The following AOAH variants were observed in gnomAD, a reference collection of about 807,000 sequenced individuals.
AOAH encodes the protein acyloxyacyl hydrolase, also known as acyloxyacyl hydrolase (neutrophil).
AOAH carries 64 observed loss-of-function variants against 92.2 expected under a neutral mutation model. The ratio of observed to expected loss-of-function variants is 0.69; its 90% CI spans 0.57 to 0.86. The LOEUF (loss-of-function observed/expected upper bound fraction) is 0.86. Among genes scored for constraint, AOAH ranks in the 40% least tolerant of loss-of-function variants. The probability of loss-of-function intolerance (pLI) is 0.00; values close to 1 mark genes in which losing one functional copy is unlikely to be tolerated. For synonymous variants in AOAH, 263 were observed against 254.5 expected (o/e 1.03, Z -0.32); for missense variants, 656 against 694.6 (o/e 0.94, Z 0.62).
chr7:36,517,156 G>GTCTGTCTTTCTTTCTTTCTT (rs1554360834), intron 20 of AOAH, among the ~76,000 whole-genome samples: 79 of 95,500 alleles, frequency 8.3e-4, no homozygotes, highest in Non-Finnish European at 1.1e-3. Flanking sequence ...ATCCATGTTA[G>GTCTGTCTTTCTTTCTTTCTT]TCTTTCTTTC....
chr7:36,641,379 TC>T (rs1772113670), intron 4 of AOAH, among the ~76,000 whole-genome samples: 1 of 152,122 alleles, frequency 6.6e-6, no homozygotes, highest in South Asian at 2.1e-4. Context: ...GAAGTCTTGT[TC>T]CCCCAATGAC....
At chr7:36,652,634 C>G (rs755464862) in intron 4 of AOAH, among the ~76,000 whole-genome samples, 12 of 152,234 alleles carry the variant, frequency 7.9e-5, no homozygotes, top group Non-Finnish European at 1.5e-4. Context: ...CATGTGGCAT[C>G]ATTTAACCCT....
chr7:36,654,590 C>G (rs1466738109), intron 4 of AOAH, among the ~76,000 whole-genome samples: 4 of 152,124 alleles, frequency 2.6e-5, no homozygotes, highest in Non-Finnish European at 5.9e-5. Context: ...GCTATGAGCT[C>G]CCTGCTACAG....
chr7:36,635,716 TAGAA>T (rs144945721), intron 5 of AOAH, among the ~76,000 whole-genome samples: 4,353 of 152,200 alleles, frequency 0.029, 207 homozygotes, highest in African/African-American at 0.1. Context: ...ACTGGCCTAG[TAGAA>T]AGGGTACTGA....
intron 19 of AOAH, among the ~76,000 whole-genome samples, chr7:36,525,352 A>G (rs1466559306): frequency 1.3e-5 from 2 of 152,262 alleles, no homozygotes; most frequent in Non-Finnish European, 2.9e-5. Flanking sequence ...AAGAATGTTT[A>G]CTAGGAGCCT....
chr7:36,633,514 G>C (rs1793290357), intron 5 of AOAH, among the ~76,000 whole-genome samples: 3 of 152,212 alleles, frequency 2.0e-5, no homozygotes. Flanking sequence ...CCGGAAGAGG[G>C]AGTGCCCGAG....
chr7:36,534,137 T>C (rs937664089), intron 16 of AOAH, among the ~76,000 whole-genome samples: 2 of 152,166 alleles, frequency 1.3e-5, no homozygotes, highest in Non-Finnish European at 2.9e-5. Context: ...GAGTTTGTCC[T>C]GCTCCTGTGA....
chr7:36,611,936 T>C (rs1039106433), intron 11 of AOAH, among the ~76,000 whole-genome samples: 3 of 152,236 alleles, frequency 2.0e-5, no homozygotes, highest in Non-Finnish European at 4.4e-5. Context: ...CCACCACCTG[T>C]TAGTTGTATG....
intron 1 of AOAH, among the ~76,000 whole-genome samples, chr7:36,721,336 A>C (rs1799619714): frequency 6.6e-6 from 1 of 152,156 alleles, no homozygotes; most frequent in Non-Finnish European, 1.5e-5. Flanking sequence ...TGGCTGCAGC[A>C]CAGCCCGGCT....
chr7:36,581,914 CTT>C, intron 12 of AOAH, among the ~76,000 whole-genome samples: 1 of 152,250 alleles, frequency 6.6e-6, no homozygotes, highest in South Asian at 2.1e-4. Context: ...TATAATCTCT[CTT>C]ATATATTTTA....
At chr7:36,515,581 CCA>C (rs1483013689) in intron 20 of AOAH, among the ~76,000 whole-genome samples, 61 of 128,116 alleles carry the variant, frequency 4.8e-4, no homozygotes, top group Non-Finnish European at 8.4e-4. Context: ...CCCCCACACA[CCA>C]CACACATACC....
At chr7:36,623,984 A>T (rs1792462816) in intron 6 of AOAH, among the ~76,000 whole-genome samples, 1 of 152,184 alleles carries the variant, frequency 6.6e-6, no homozygotes, top group South Asian at 2.1e-4. Flanking sequence ...TATAACAGGA[A>T]ATATCCTCTC....
intron 2 of AOAH, among the ~76,000 whole-genome samples, chr7:36,680,923 A>G (rs1451859585): frequency 2.0e-5 from 3 of 152,286 alleles, no homozygotes; most frequent in Middle Eastern, 3.4e-3. Flanking sequence ...AGGCTCTGAC[A>G]TTTCCTGTTC....
At chr7:36,606,281 A>T (rs1331802376) in intron 11 of AOAH, among the ~76,000 whole-genome samples, 1 of 152,198 alleles carries the variant, frequency 6.6e-6, no homozygotes, top group African/African-American at 2.4e-5. Context: ...GTTAATAAAG[A>T]GTAGCCAAAT....
chr7:36,713,472 G>C (rs1221162002), intron 1 of AOAH, among the ~76,000 whole-genome samples: 1 of 152,118 alleles, frequency 6.6e-6, no homozygotes, highest in African/African-American at 2.4e-5. Flanking sequence ...TCTGCACCAA[G>C]CAGACCTAAT....
intron 4 of AOAH, among the ~76,000 whole-genome samples, chr7:36,656,094 T>A (rs1794867811): frequency 6.6e-6 from 1 of 152,088 alleles, no homozygotes; most frequent in East Asian, 1.9e-4. Flanking sequence ...CAGCAAGGCA[T>A]CTGTGGCATC....
At position 36,606,719 on chromosome 7, in the gene AOAH, A is replaced by T. The variant is rs143711657; in HGVS notation, c.846+9661T>A. ...TTTCCACCTCCTCTTCTTTTTCAAC[A>T]AACAACTCAAGCAGAGATTGTTTTT... is the stretch of plus-strand genomic sequence containing the variant. On this transcript the variant is annotated intron_variant, in intron 11 of 20. Coordinates refer to ENST00000617537, the MANE Select transcript of AOAH (RefSeq NM_001637.4). 7.3e-4 allele frequency among the ~76,000 whole-genome samples: 111 copies of T among 152,288 alleles called. 1 individual carries two copies. In the East Asian group the frequency reaches 0.021, roughly 29 times the overall value.
At chr7:36,524,964 A>T (rs1348368461) in intron 19 of AOAH, among the ~76,000 whole-genome samples, 1 of 152,248 alleles carries the variant, frequency 6.6e-6, no homozygotes, top group Non-Finnish European at 1.5e-5. Context: ...AGGTATGCTA[A>T]TAACAGCAGG....
chr7:36,689,986 T>C lies in AOAH; in HGVS notation c.128-3192A>G, dbSNP rs184981981. 1.4e-4 allele frequency: 43 copies of C among 308,174 alleles called. No homozygotes were observed. The East Asian group carries it at 3.9e-3, about 28-fold the overall frequency. The allele number at this position is 308,174 out of a possible 1,614,324, so 19.1% of individuals were successfully genotyped here. A position where few individuals can be genotyped will look rare whatever the true frequency, so the allele number is the denominator to read the frequency against. ...ATCATAAACCTTGGATGCTGTTTCC[T>C]TTCCCTGAAAATTCAACTCCATCAT... On this transcript the variant is annotated intron_variant, in intron 1 of 20. Transcript: ENST00000617537.
Sources: allele counts gnomAD v4.1 joint callset (sites outside exome capture counted in the v4.1 genomes callset), GRCh38; gene constraint gnomAD v4.1.1; transcripts MANE v1.5; gene names NCBI Gene and HGNC (gene_info 2026-07-23, HGNC 2026-07-21).